MACC1: variants seen among roughly 807,000 people sequenced by gnomAD.
The protein encoded by MACC1 is metastasis-associated in colon cancer protein 1.
MACC1 carries 79 observed loss-of-function variants against 70.7 expected under a neutral mutation model. The ratio of observed to expected loss-of-function variants is 1.12; its 90% CI spans 0.93 to 1.35. The LOEUF is 1.35. Ranked by LOEUF, MACC1 falls within the 40% of genes most tolerant of loss-of-function variation. The pLI is 0.00. For synonymous variants in MACC1, 361 were observed against 347.2 expected (o/e 1.04, Z -0.44); for missense variants, 1,106 against 978.1 (o/e 1.13, Z -1.74).
At chr7:20,168,772 A>G (rs1782259227) in intron 2 of MACC1, among the ~76,000 whole-genome samples, 1 of 152,220 alleles carries the variant, frequency 6.6e-6, no homozygotes, top group African/African-American at 2.4e-5. Flanking sequence ...GACCTAGTCC[A>G]GTAAAGCCCA....
chr7:20,202,129 C>T (rs1482360622), intron 1 of MACC1, among the ~76,000 whole-genome samples: 1 of 152,156 alleles, frequency 6.6e-6, no homozygotes. Context: ...CACATCCAAG[C>T]CAGTGAATAG....
intron 1 of MACC1, among the ~76,000 whole-genome samples, chr7:20,178,534 A>G (rs1782448433): frequency 6.6e-6 from 1 of 152,246 alleles, no homozygotes. Flanking sequence ...TAAATTTTAA[A>G]GAACTTCTCT....
At chr7:20,195,305 G>C (rs958891124) in intron 1 of MACC1, among the ~76,000 whole-genome samples, 5 of 152,168 alleles carry the variant, frequency 3.3e-5, no homozygotes, top group African/African-American at 1.2e-4. Flanking sequence ...TATGAGCTTA[G>C]AAAGGAGACT....
At chr7:20,184,666 G>A (rs991374577) in intron 1 of MACC1, among the ~76,000 whole-genome samples, 3 of 152,150 alleles carry the variant, frequency 2.0e-5, no homozygotes, top group Non-Finnish European at 4.4e-5. Context: ...TCAGCTCCTT[G>A]TATGTTAGAA....
intron 6 of MACC1, among the ~76,000 whole-genome samples, chr7:20,146,138 ATCTC>A (rs1781887788): frequency 6.8e-6 from 1 of 147,814 alleles, no homozygotes. Flanking sequence ...TCCAGCCTGG[ATCTC>A]AAAAAGAAAA....
intron 4 of MACC1, among the ~76,000 whole-genome samples, chr7:20,161,034 A>C (rs920818657): frequency 6.6e-6 from 1 of 152,140 alleles, no homozygotes; most frequent in South Asian, 2.1e-4. Context: ...TTGTAACATT[A>C]AAATATTTAC....
At chr7:20,162,258 A>G (rs1753437656) in intron 3 of MACC1, among the ~76,000 whole-genome samples, 1 of 152,134 alleles carries the variant, frequency 6.6e-6, no homozygotes, top group African/African-American at 2.4e-5. Flanking sequence ...AAATCCTTGT[A>G]TACATTCGAT....
intron 2 of MACC1, among the ~76,000 whole-genome samples, chr7:20,168,959 G>A (rs1209020219): frequency 6.6e-6 from 1 of 152,166 alleles, no homozygotes; most frequent in East Asian, 1.9e-4. Context: ...AATTTGAGAT[G>A]ACAATTGAGA....
intron 5 of MACC1, among the ~76,000 whole-genome samples, chr7:20,154,969 A>G (rs1306503455): frequency 6.6e-6 from 1 of 151,724 alleles, no homozygotes; most frequent in African/African-American, 2.4e-5. Context: ...AAATATATAT[A>G]TATAAATTTA....
intron 6 of MACC1, 150 bp from the exon 7 acceptor site, chr7:20,141,308 G>T: frequency 1.9e-6 from 1 of 525,332 alleles, no homozygotes; most frequent in Non-Finnish European, 3.2e-6. Flanking sequence ...TAGAAAATAT[G>T]GTTTAATAAC....
chr7:20,155,845 G>T (rs1318109277), intron 5 of MACC1, among the ~76,000 whole-genome samples: 2 of 152,062 alleles, frequency 1.3e-5, no homozygotes, highest in Admixed American at 6.6e-5. Flanking sequence ...TGTGGAGTGG[G>T]GTTACTACTT....
intron 1 of MACC1, among the ~76,000 whole-genome samples, chr7:20,199,882 A>G (rs939677249): frequency 1.3e-5 from 2 of 152,214 alleles, no homozygotes; most frequent in African/African-American, 2.4e-5. Context: ...AAATGAATCA[A>G]TCAGAAAGTA....
intron 1 of MACC1, among the ~76,000 whole-genome samples, chr7:20,182,312 G>C (rs1397594379): frequency 1.3e-5 from 2 of 152,010 alleles, no homozygotes; most frequent in Non-Finnish European, 2.9e-5. Flanking sequence ...TGCACGTTGT[G>C]CACATGTACC....
At chr7:20,145,154 C>T (rs1459806139) in intron 6 of MACC1, among the ~76,000 whole-genome samples, 3 of 152,158 alleles carry the variant, frequency 2.0e-5, no homozygotes, top group Non-Finnish European at 4.4e-5. Flanking sequence ...TTTTTTCCCT[C>T]TGCAGGGTTG....
Position 20,159,017 on chromosome 7 carries a change from T to C in MACC1, c.1344A>G (p.Thr448=), listed in dbSNP as rs1172736939. ...GTTTAATTTCTTTCCTTTCTCCTTC[T>C]GTCTTTACTTCAAAATCAGGATCAC... is the stretch of plus-strand genomic sequence containing the variant. ...FSCDPDFEVK[T]EGERKEIKQK... is the part of the protein sequence containing the mutation. Residue 448 remains threonine (T), a synonymous_variant, in exon 5 of 7, where the codon ACA becomes ACG. Coordinates refer to ENST00000400331, the MANE Select transcript of MACC1 (RefSeq NM_182762.4). 1 of 1,614,018 alleles carries C rather than the reference T, an allele frequency of 6.2e-7. No individual in the cohort carries two copies. Among genetic ancestry groups the C allele is most frequent in the East Asian group, 2.2e-5 (1 of 44,866 alleles).
intron 1 of MACC1, among the ~76,000 whole-genome samples, chr7:20,176,953 G>A (rs1206728687): frequency 1.3e-5 from 2 of 152,080 alleles, no homozygotes; most frequent in Non-Finnish European, 2.9e-5. Flanking sequence ...AAGGGGTACC[G>A]CAAGGGAGAT....
rs141864615 is a variant in MACC1, at chr7:20,137,286, T to C, written c.*3660A>G. On this transcript the variant is annotated 3_prime_UTR_variant, in exon 7 of 7. Transcript: ENST00000400331. ...GTGTTTCTCAGCCCAATGCCATCCA[T>C]TGATTTAGCATTCTATTCCTTCCAG... 1.1e-3 allele frequency: 165 copies of C among 152,308 alleles called. No homozygotes were observed. Among genetic ancestry groups the C allele is most frequent in the African/African-American group, 3.8e-3 (157 of 41,578 alleles). 9.4% of individuals were successfully genotyped at this position (152,308 alleles called of 1,614,324 possible). A position where few individuals can be genotyped will look rare whatever the true frequency, so the allele number is the denominator to read the frequency against.
At chr7:20,190,134 G>T (rs1291604736) in intron 1 of MACC1, among the ~76,000 whole-genome samples, 2 of 152,110 alleles carry the variant, frequency 1.3e-5, no homozygotes, top group Non-Finnish European at 2.9e-5. Context: ...TGGACTGAAG[G>T]ATTCAACCAT....
In MACC1 at chr7:20,159,040, C is replaced by A; in HGVS notation, c.1321G>T (p.Asp441Tyr). Residue 441 changes from aspartate (D) to tyrosine (Y), a missense_variant, in exon 5 of 7, where the codon GAT becomes TAT. Physicochemically the swap from Asp to Tyr is radical, Grantham distance 160. Coordinates refer to ENST00000400331, the MANE Select transcript of MACC1 (RefSeq NM_182762.4). ...QDLSISIFSC[D>Y]PDFEVKTEGE... ...TCTGTCTTTACTTCAAAATCAGGAT[C>A]ACAGGAAAAAATAGAAATACTTAAA... 1 of 1,613,698 alleles carries A rather than the reference C, an allele frequency of 6.2e-7. No homozygotes were observed. Among genetic ancestry groups the A allele is most frequent in the Non-Finnish European group, 8.5e-7 (1 of 1,179,982 alleles).
Sources: allele counts gnomAD v4.1 joint callset (sites outside exome capture counted in the v4.1 genomes callset), GRCh38; gene constraint gnomAD v4.1.1; transcripts MANE v1.5; gene names NCBI Gene and HGNC (gene_info 2026-07-23, HGNC 2026-07-21).